The following COL23A1 variants were observed in gnomAD, a reference collection of about 807,000 sequenced individuals.
The protein encoded by COL23A1 is collagen type XXIII alpha 1 chain.
A neutral mutation model predicts 99.3 loss-of-function variants in COL23A1; 97 were observed. The observed-to-expected ratio is 0.98, with a 90% CI of 0.83 to 1.16. The LOEUF is 1.16. Among genes scored for constraint, COL23A1 ranks in the 50% most tolerant of loss-of-function variants. The pLI, the probability that COL23A1 is intolerant of heterozygous loss-of-function variation, is 0.00. For missense variants in COL23A1, 762 were observed against 757.4 expected (o/e 1.01, Z -0.07); for synonymous variants, 320 against 308.2 (o/e 1.04, Z -0.40).
intron 25 of COL23A1, 115 bp from the exon 26 acceptor site, chr5:178,242,509 C>A: frequency 9.8e-7 from 1 of 1,019,366 alleles, no homozygotes; most frequent in Non-Finnish European, 1.5e-6. Flanking sequence ...CCTGCATATT[C>A]GTGGCACACG....
At chr5:178,567,616 G>A (rs1018293471) in intron 1 of COL23A1, among the ~76,000 whole-genome samples, 2 of 152,098 alleles carry the variant, frequency 1.3e-5, no homozygotes, top group African/African-American at 4.8e-5. Context: ...GTTGGATCAG[G>A]CCTGTAATCC....
chr5:178,475,020 T>A (rs1173050952), intron 2 of COL23A1, among the ~76,000 whole-genome samples: 6 of 152,196 alleles, frequency 3.9e-5, no homozygotes, highest in Non-Finnish European at 7.3e-5. Context: ...GCTTTGTAGA[T>A]CCATCACTGC....
At chr5:178,456,990 T>TAAAGAACCATTCATTACTATTAC (rs1451436925) in intron 2 of COL23A1, among the ~76,000 whole-genome samples, 1 of 152,136 alleles carries the variant, frequency 6.6e-6, no homozygotes, top group African/African-American at 2.4e-5. Context: ...GTTTGTTTGG[T>TAAAGAACCATTCATTACTATTAC]AAAGAACCAT....
intron 2 of COL23A1, among the ~76,000 whole-genome samples, chr5:178,389,157 C>T (rs375109570): frequency 1.2e-4 from 19 of 152,264 alleles, no homozygotes; most frequent in African/African-American, 4.3e-4. Context: ...TTGACTGACT[C>T]CCCAAACCTG....
At chr5:178,257,425 C>A in intron 13 of COL23A1, 98 bp downstream of exon 13, 1 of 1,403,806 alleles carries the variant, frequency 7.1e-7, no homozygotes, top group Non-Finnish European at 9.9e-7. Flanking sequence ...GGCCTAGGAA[C>A]CCGTGGTGCC....
At chr5:178,510,123 A>C (rs574490513) in intron 2 of COL23A1, among the ~76,000 whole-genome samples, 2 of 152,388 alleles carry the variant, frequency 1.3e-5, no homozygotes, top group East Asian at 3.9e-4. Context: ...CAAAAGGATA[A>C]GTGAATCTAT....
chr5:178,244,143 CTAATTT>C (rs1264169504), intron 25 of COL23A1, among the ~76,000 whole-genome samples: 3 of 80,054 alleles, frequency 3.7e-5, no homozygotes, highest in African/African-American at 1.3e-4. Flanking sequence ...CCATGCCTGG[CTAATTT>C]TTTTTTTTTT....
At chr5:178,241,368 TG>T (rs1336898159) in intron 27 of COL23A1, among the ~76,000 whole-genome samples, 1 of 151,022 alleles carries the variant, frequency 6.6e-6, no homozygotes, top group East Asian at 2.0e-4. Context: ...AGAGGGGATG[TG>T]GGGAAGAGGG....
intron 3 of COL23A1, among the ~76,000 whole-genome samples, chr5:178,292,275 G>A (rs1311490223): frequency 1.3e-5 from 2 of 152,220 alleles, no homozygotes; most frequent in East Asian, 1.9e-4. Context: ...AGGTTAACTC[G>A]GAAGAACTGA....
chr5:178,498,255 T>TAAATAA (rs1554184592), intron 2 of COL23A1, among the ~76,000 whole-genome samples: 3 of 70,948 alleles, frequency 4.2e-5, no homozygotes, highest in African/African-American at 1.8e-4. Flanking sequence ...TATATATATA[T>TAAATAA]ATAAAAGAAC....
At chr5:178,372,828 T>C (rs1315166044) in intron 2 of COL23A1, among the ~76,000 whole-genome samples, 1 of 152,134 alleles carries the variant, frequency 6.6e-6, no homozygotes, top group East Asian at 1.9e-4. Flanking sequence ...TGCCTGTCTC[T>C]GCCTCCCAAA....
At chr5:178,259,230 G>A (rs185637943) in intron 12 of COL23A1, among the ~76,000 whole-genome samples, 23 of 152,200 alleles carry the variant, frequency 1.5e-4, no homozygotes, top group African/African-American at 5.5e-4. Context: ...GGCCTTGGAG[G>A]AGGGTTTTGC....
intron 5 of COL23A1, among the ~76,000 whole-genome samples, chr5:178,277,630 T>C (rs139524807): frequency 6.6e-6 from 1 of 152,332 alleles, no homozygotes; most frequent in Admixed American, 6.5e-5. Flanking sequence ...TCTATGATGC[T>C]GTGAGGCTGT....
intron 7 of COL23A1, 25 bp downstream of exon 7, chr5:178,268,705 C>G (rs536556964): frequency 1.1e-5 from 17 of 1,600,132 alleles, no homozygotes; most frequent in Middle Eastern, 1.7e-4. Flanking sequence ...CCTACCACAT[C>G]TGCACAGCCT....
chr5:178,504,593 A>C (rs1415191560), intron 2 of COL23A1, among the ~76,000 whole-genome samples: 1 of 152,128 alleles, frequency 6.6e-6, no homozygotes, highest in Non-Finnish European at 1.5e-5. Context: ...GTGGACTGGA[A>C]GTGGGTGTGG....
chr5:178,494,465 T>A (rs1581500381), intron 2 of COL23A1, among the ~76,000 whole-genome samples: 1 of 152,078 alleles, frequency 6.6e-6, no homozygotes, highest in African/African-American at 2.4e-5. Flanking sequence ...TCACCTGAGG[T>A]CAGGAGTTCG....
chr5:178,300,544 C>T (rs562040754), intron 3 of COL23A1, among the ~76,000 whole-genome samples: 2 of 150,448 alleles, frequency 1.3e-5, no homozygotes, highest in Middle Eastern at 3.5e-3. Flanking sequence ...TCTCATGATG[C>T]TTTCAAGATT....
Position 178,524,824 on chromosome 5 carries a change from ACTCACTCACACACTCG to A in COL23A1, c.361+35842_361+35857del, listed in dbSNP as rs1338502274. 7.9e-5 allele frequency among the ~76,000 whole-genome samples: 12 copies of A among 152,116 alleles called. No homozygotes were observed. In the East Asian group the frequency reaches 2.3e-3, roughly 29 times the overall value. On this transcript the variant is annotated intron_variant, in intron 2 of 28. Transcript: ENST00000390654. Reference sequence around the variant, plus strand: ...TCCACAACAGACCCACAGATCACTCACTCACTCACACACTCGCTCACTCACTCACGCAGCAATGCAG... The same window carrying A: ...TCCACAACAGACCCACAGATCACTCACTCACTCACTCACGCAGCAATGCAG...
In COL23A1 at chr5:178,407,209, C is replaced by T. The variant is rs376207809; in HGVS notation, c.362-100290G>A. ...GTGGAGGCCTAGTGGGGAGGTGGAA[C>T]TCTCATCCCTTCCCAATAGTAACAA... On this transcript the variant is annotated intron_variant, in intron 2 of 28. Transcript: ENST00000390654. Among the ~76,000 whole-genome samples, 37 of 152,308 alleles carry T rather than the reference C, an allele frequency of 2.4e-4. No homozygotes were observed. In the East Asian group the frequency reaches 4.4e-3, roughly 18 times the overall value.
Sources: allele counts gnomAD v4.1 joint callset (sites outside exome capture counted in the v4.1 genomes callset), GRCh38; gene constraint gnomAD v4.1.1; transcripts MANE v1.5; gene names NCBI Gene and HGNC (gene_info 2026-07-23, HGNC 2026-07-21).